The following DLGAP1 variants were observed in gnomAD, a reference collection of about 807,000 sequenced individuals.
DLGAP1 encodes the protein disks large-associated protein 1.
In DLGAP1, 11 loss-of-function variants were observed where a neutral mutation model predicts 90.8. The observed-to-expected ratio is 0.12, with a 90% CI of 0.08 to 0.20. The LOEUF (loss-of-function observed/expected upper bound fraction) is 0.20. Ranked by LOEUF, DLGAP1 falls within the 10% of genes least tolerant of loss-of-function variation. The pLI, the probability that DLGAP1 is intolerant of heterozygous loss-of-function variation, is 1.00. For missense variants in DLGAP1, 1,050 were observed against 1,333.8 expected, an observed-to-expected ratio of 0.79 and a Z score of 3.31; for synonymous variants, 558 against 540.7, an observed-to-expected ratio of 1.03 and a Z score of -0.44.
chr18:3,874,038 T>A, intron 4 of DLGAP1: 1 of 1,503,722 alleles, frequency 6.7e-7, no homozygotes, highest in Non-Finnish European at 8.9e-7. Flanking sequence ...CTAGCCATTA[T>A]TTAGAGGAGA....
intron 3 of DLGAP1, among the ~76,000 whole-genome samples, chr18:3,902,153 A>G (rs1448701399): frequency 6.6e-6 from 1 of 152,164 alleles, no homozygotes; most frequent in Non-Finnish European, 1.5e-5. Context: ...GAAAAAATTG[A>G]TTGTGTATTT....
intron 7 of DLGAP1, among the ~76,000 whole-genome samples, chr18:3,701,264 G>A (rs963355389): frequency 6.6e-6 from 1 of 152,096 alleles, no homozygotes; most frequent in East Asian, 1.9e-4. Context: ...CAAACAGTCC[G>A]GATCCAGGGT....
intron 1 of DLGAP1, among the ~76,000 whole-genome samples, chr18:4,201,746 G>A (rs1054625052): frequency 6.6e-6 from 1 of 151,994 alleles, no homozygotes; most frequent in African/African-American, 2.4e-5. Context: ...CTAACCATCA[G>A]GAAAATCCAA....
chr18:4,306,093 AGAGAGAGAGG>A (rs2080252734), intron 1 of DLGAP1, among the ~76,000 whole-genome samples: 1 of 151,486 alleles, frequency 6.6e-6, no homozygotes, highest in Admixed American at 6.6e-5. Flanking sequence ...AGAGAGAGAG[AGAGAGAGAGG>A]GAGAGAAATT....
At chr18:3,509,074 C>T (rs971023853) in intron 10 of DLGAP1, among the ~76,000 whole-genome samples, 1 of 151,396 alleles carries the variant, frequency 6.6e-6, no homozygotes, top group Non-Finnish European at 1.5e-5. Context: ...CCGTCATGGT[C>T]GGCTGGCTTG....
chr18:3,966,565 G>A (rs572238242), intron 3 of DLGAP1, among the ~76,000 whole-genome samples: 1 of 152,202 alleles, frequency 6.6e-6, no homozygotes, highest in East Asian at 1.9e-4. Flanking sequence ...AAACTGTTTG[G>A]GAGCCAAAAC....
At chr18:3,869,955 G>GA (rs1226454009) in intron 4 of DLGAP1, among the ~76,000 whole-genome samples, 1 of 152,210 alleles carries the variant, frequency 6.6e-6, no homozygotes, top group Admixed American at 6.5e-5. Context: ...TACAGATGTA[G>GA]AAATAGAAGT....
intron 1 of DLGAP1, among the ~76,000 whole-genome samples, chr18:4,413,771 T>A (rs2082833055): frequency 6.6e-6 from 1 of 152,216 alleles, no homozygotes; most frequent in Non-Finnish European, 1.5e-5. Context: ...GGAGAAATGA[T>A]AATGTTCTCT....
intron 1 of DLGAP1, among the ~76,000 whole-genome samples, chr18:4,437,653 T>C (rs1007992825): frequency 5.3e-5 from 8 of 152,196 alleles, no homozygotes; most frequent in African/African-American, 2.4e-5. Flanking sequence ...GCAGAAACCA[T>C]GGATACAGAA....
At chr18:4,391,593 C>T (rs546993824) in intron 1 of DLGAP1, among the ~76,000 whole-genome samples, 1 of 152,250 alleles carries the variant, frequency 6.6e-6, no homozygotes, top group South Asian at 2.1e-4. Context: ...GAAGAAGCGA[C>T]TACATAGCCC....
intron 1 of DLGAP1, among the ~76,000 whole-genome samples, chr18:4,429,889 T>C: frequency 6.6e-6 from 1 of 152,158 alleles, no homozygotes; most frequent in East Asian, 1.9e-4. Flanking sequence ...ATATGATCAG[T>C]GTGCATCAGT....
In DLGAP1 at chr18:4,084,410, C is replaced by G. The variant is rs2075653468; in HGVS notation, c.-159+66770G>C. 6.6e-6 allele frequency among the ~76,000 whole-genome samples: 1 copy of G among 152,096 alleles called. No homozygotes were observed. Among genetic ancestry groups the G allele is most frequent in the East Asian group, 1.9e-4 (1 of 5,186 alleles). The stretch of plus-strand genomic sequence containing the variant: ...CTCAGAACAAGGGCCAGATAATAGC[C>G]TCTTGGCATACTTAATATTTTAAGC... On this transcript the variant is annotated intron_variant, in intron 2 of 12. Transcript: ENST00000315677. This position sits in a 1 kb window ranked among gnomAD's most constrained non-coding sequence, Gnocchi z 4.0.
chr18:4,326,519 C>G (rs1276335275), intron 1 of DLGAP1, among the ~76,000 whole-genome samples: 1 of 152,094 alleles, frequency 6.6e-6, no homozygotes, highest in Non-Finnish European at 1.5e-5. Context: ...GTAAACTATT[C>G]TACCATAAAG....
At chr18:3,792,180 A>G (rs2065767283) in intron 5 of DLGAP1, among the ~76,000 whole-genome samples, 1 of 152,096 alleles carries the variant, frequency 6.6e-6, no homozygotes, top group Non-Finnish European at 1.5e-5. Context: ...AGCTGTGGGT[A>G]CTTAAGATAT....
intron 7 of DLGAP1, among the ~76,000 whole-genome samples, chr18:3,695,051 T>C (rs975498643): frequency 1.3e-5 from 2 of 151,072 alleles, no homozygotes; most frequent in African/African-American, 2.4e-5. Flanking sequence ...GCCATTCTCC[T>C]GCCTCAGCCT....
rs141113793 is a variant in DLGAP1, at chr18:3,727,188, G to A, written c.1591+1947C>T. On this transcript the variant is annotated intron_variant, in intron 7 of 12. Coordinates refer to ENST00000315677, the MANE Select transcript of DLGAP1 (RefSeq NM_004746.4). The surrounding 1 kb of genome is among the most constrained non-coding windows in gnomAD (Gnocchi z 4.7). ...ACCTGAAATTGAAATTTAACTGGACGACCTGGATTTTATTTGGCAACTCTA... is the reference window on the plus strand; with the variant it reads ...ACCTGAAATTGAAATTTAACTGGACAACCTGGATTTTATTTGGCAACTCTA... Among the ~76,000 whole-genome samples the A allele has an allele frequency of 2.6e-5, 4 of 152,264 alleles. No homozygotes were observed. The highest frequency in any genetic ancestry group is 1.9e-4 in the East Asian group (1 of 5,186).
chr18:4,248,223 C>G (rs1333824129), intron 1 of DLGAP1, among the ~76,000 whole-genome samples: 1 of 152,118 alleles, frequency 6.6e-6, no homozygotes, highest in Non-Finnish European at 1.5e-5. Context: ...AATGAGGAAA[C>G]AAGCATGAAT....
At chr18:4,074,576 G>A (rs906401266) in intron 2 of DLGAP1, among the ~76,000 whole-genome samples, 30 of 152,120 alleles carry the variant, frequency 2.0e-4, no homozygotes, top group African/African-American at 3.1e-4. Flanking sequence ...TTTAAAAATC[G>A]TTCAGCCACT....
intron 1 of DLGAP1, among the ~76,000 whole-genome samples, chr18:4,375,997 A>T (rs2082005815): frequency 6.6e-6 from 1 of 152,154 alleles, no homozygotes; most frequent in Non-Finnish European, 1.5e-5. Context: ...TTTATAATGC[A>T]CCTCTATTTG....
Sources: gnomAD v4.1 joint callset for allele counts (sites outside exome capture counted in the v4.1 genomes callset) on GRCh38, gnomAD v4.1.1 for gene constraint, Gnocchi (gnomAD v3.1) non-coding constraint, MANE v1.5 for transcripts, NCBI Gene and HGNC (gene_info 2026-07-23, HGNC 2026-07-21) for gene names.